Variants in GABRB1 observed in about 807,000 individuals in gnomAD.
The protein encoded by GABRB1 is gamma-aminobutyric acid type A receptor subunit beta1.
In GABRB1, 17 loss-of-function variants were observed where a neutral mutation model predicts 51.6. That is an observed-to-expected ratio of 0.33 (90% CI 0.23 to 0.49). The LOEUF is 0.49. GABRB1 is among the 20% of genes least tolerant of loss of function. GABRB1 has a pLI of 0.99. For missense variants in GABRB1, 410 were observed against 600.6 expected (o/e 0.68, Z 3.32); for synonymous variants, 247 against 218.9 (o/e 1.13, Z -1.14).
chr4:47,021,676 G>C (rs1387667088), intron 1 of GABRB1, among the ~76,000 whole-genome samples: 2 of 151,838 alleles, frequency 1.3e-5, no homozygotes, highest in African/African-American at 2.4e-5. Flanking sequence ...TCTCTATCCT[G>C]TGTCTTTTCT....
chr4:47,312,911 T>G (rs916340126), intron 4 of GABRB1, among the ~76,000 whole-genome samples: 2 of 152,098 alleles, frequency 1.3e-5, no homozygotes, highest in Admixed American at 1.3e-4. Context: ...GGCCAGGGCT[T>G]TTGGATTATG....
chr4:47,249,413 C>T (rs761140008), intron 4 of GABRB1, among the ~76,000 whole-genome samples: 9 of 152,032 alleles, frequency 5.9e-5, no homozygotes, highest in Non-Finnish European at 1.3e-4. Context: ...TATCGAGGCT[C>T]ATTTTATGAC....
intron 4 of GABRB1, among the ~76,000 whole-genome samples, chr4:47,245,769 TGAGA>T (rs2109855193): frequency 6.6e-6 from 1 of 152,032 alleles, no homozygotes; most frequent in East Asian, 1.9e-4. Context: ...TTTTTACATT[TGAGA>T]GAATGAGGAG....
intron 4 of GABRB1, among the ~76,000 whole-genome samples, chr4:47,227,140 T>C (rs979795473): frequency 4.6e-5 from 7 of 152,144 alleles, no homozygotes; most frequent in Non-Finnish European, 1.0e-4. Context: ...TCTCTGTAAT[T>C]TCTCGATCCA....
intron 4 of GABRB1, among the ~76,000 whole-genome samples, chr4:47,166,663 G>T (rs560837891): frequency 5.7e-4 from 87 of 152,130 alleles, no homozygotes; most frequent in African/African-American, 2.1e-3. Flanking sequence ...ATGGATTTTT[G>T]ATTGCATGAG....
chr4:47,198,687 G>A (rs1300499293), intron 4 of GABRB1, among the ~76,000 whole-genome samples: 2 of 152,162 alleles, frequency 1.3e-5, no homozygotes, highest in African/African-American at 2.4e-5. Flanking sequence ...AAATATGCAA[G>A]CAATGAACTT....
rs575048396 is a variant in GABRB1 at position 47,110,006 on chromosome 4, T to C, written c.241-51243T>C. ...GAGGTTTAAAGCCAATGGGGTGATA[T>C]TAAGCATTGAGTTTGGGTCAAGAAG... On this transcript the variant is annotated intron_variant, in intron 3 of 8. Transcript: ENST00000295454. Among the ~76,000 whole-genome samples, 5 of 152,186 alleles carry C rather than the reference T, an allele frequency of 3.3e-5. No individual in the cohort carries two copies. In the South Asian group the frequency reaches 1.0e-3, roughly 32 times the overall value.
chr4:47,108,218 T>C (rs940040598), intron 3 of GABRB1, among the ~76,000 whole-genome samples: 1 of 152,048 alleles, frequency 6.6e-6, no homozygotes, highest in African/African-American at 2.4e-5. Flanking sequence ...TCAGAGGCCA[T>C]GGAATTTTTA....
intron 4 of GABRB1, among the ~76,000 whole-genome samples, chr4:47,266,906 C>A (rs1722661775): frequency 6.6e-6 from 1 of 151,700 alleles, no homozygotes; most frequent in Non-Finnish European, 1.5e-5. Context: ...TACTGTATTG[C>A]TGTATATCTC....
chr4:47,090,106 A>G (rs544676132), intron 3 of GABRB1, among the ~76,000 whole-genome samples: 3 of 152,358 alleles, frequency 2.0e-5, no homozygotes, highest in Admixed American at 1.3e-4. Context: ...TGAATATAAA[A>G]CAACTACTGT....
At chr4:47,029,374 CTTTAA>C (rs759266720), upstream of GABRB1, among the ~76,000 whole-genome samples, 23 of 151,918 alleles carry the variant, frequency 1.5e-4, no homozygotes, top group Non-Finnish European at 2.7e-4. Context: ...TGTACAATTC[CTTTAA>C]TTTGCAATTC....
intron 3 of GABRB1, among the ~76,000 whole-genome samples, chr4:47,086,641 T>C (rs1728089240): frequency 6.6e-6 from 1 of 152,164 alleles, no homozygotes; most frequent in African/African-American, 2.4e-5. Flanking sequence ...CAAAAACTCA[T>C]AGTGCAGGTT....
chr4:47,004,197 C>G (rs528387920), intron 1 of GABRB1, among the ~76,000 whole-genome samples: 125 of 152,252 alleles, frequency 8.2e-4, no homozygotes, highest in Admixed American at 2.5e-3. Context: ...CCATGTTGGC[C>G]AGGTTGGTCT....
intron 4 of GABRB1, among the ~76,000 whole-genome samples, chr4:47,210,005 G>GC (rs1265301741): frequency 6.6e-6 from 1 of 152,056 alleles, no homozygotes; most frequent in Admixed American, 6.6e-5. Flanking sequence ...ATAATTTCCT[G>GC]CCGTCAGGAT....
chr4:47,347,186 G>A (rs1726131737), intron 5 of GABRB1, among the ~76,000 whole-genome samples: 1 of 151,978 alleles, frequency 6.6e-6, no homozygotes, highest in African/African-American at 2.4e-5. Flanking sequence ...GGAACCTGAG[G>A]CATGAGACTT....
chr4:47,289,528 A>C (rs972979070), intron 4 of GABRB1, among the ~76,000 whole-genome samples: 6 of 152,182 alleles, frequency 3.9e-5, no homozygotes, highest in Non-Finnish European at 7.3e-5. Context: ...AACTCCACCA[A>C]ACAGAATTTC....
intron 3 of GABRB1, among the ~76,000 whole-genome samples, chr4:47,088,613 T>C (rs1644202712): frequency 6.6e-6 from 1 of 152,130 alleles, no homozygotes. Flanking sequence ...GGAGAAAAAG[T>C]TGTTTCTTTT....
intron 5 of GABRB1, among the ~76,000 whole-genome samples, chr4:47,326,573 A>T (rs1461604827): frequency 6.6e-6 from 1 of 152,192 alleles, no homozygotes; most frequent in East Asian, 1.9e-4. Context: ...TTGCAATTTC[A>T]TATATCTACT....
intron 1 of GABRB1, among the ~76,000 whole-genome samples, chr4:47,025,075 TATATATCAC>T (rs949425141): frequency 8.7e-5 from 13 of 150,122 alleles, no homozygotes; most frequent in Middle Eastern, 3.2e-3. Flanking sequence ...ATATATAGCA[TATATATCAC>T]ATATATCACA....
Sources: gnomAD v4.1 joint callset for allele counts (sites outside exome capture counted in the v4.1 genomes callset) on GRCh38, gnomAD v4.1.1 for gene constraint, MANE v1.5 for transcripts, NCBI Gene and HGNC (gene_info 2026-07-23, HGNC 2026-07-21) for gene names.